The following SH3PXD2A variants were observed in gnomAD, a reference collection of about 807,000 sequenced individuals.
SH3PXD2A encodes SH3 and PX domain-containing protein 2A.
Under a neutral mutation model 115.2 loss-of-function variants are expected in SH3PXD2A, and 32 were observed. That is an observed-to-expected ratio of 0.28 (90% confidence interval 0.21 to 0.37). The LOEUF is 0.37. Among genes scored for constraint, SH3PXD2A ranks in the 10% least tolerant of loss-of-function variants. The pLI, the probability that SH3PXD2A is intolerant of heterozygous loss-of-function variation, is 1.00. For missense variants in SH3PXD2A, 1,328 were observed against 1,498.7 expected (o/e 0.89, Z 1.88); for synonymous variants, 610 against 629.1 (o/e 0.97, Z 0.45).
chr10:103,682,687 G>T (rs1329017486), intron 6 of SH3PXD2A, among the ~76,000 whole-genome samples: 1 of 151,782 alleles, frequency 6.6e-6, no homozygotes, highest in Non-Finnish European at 1.5e-5. Flanking sequence ...AACCTGGGAG[G>T]CAGAGGTTGC....
chr10:103,670,752 GC>G, intron 6 of SH3PXD2A, among the ~76,000 whole-genome samples: 1 of 152,252 alleles, frequency 6.6e-6, no homozygotes, highest in East Asian at 1.9e-4. Context: ...TCCTTGGGGA[GC>G]AGGAGCAATG....
chr10:103,654,343 T>A (rs2037177103), intron 8 of SH3PXD2A, among the ~76,000 whole-genome samples: 1 of 152,146 alleles, frequency 6.6e-6, no homozygotes, highest in Non-Finnish European at 1.5e-5. Flanking sequence ...ACCCCTCTGC[T>A]GCTATAGCCA....
intron 8 of SH3PXD2A, among the ~76,000 whole-genome samples, chr10:103,630,573 A>G (rs2036763379): frequency 6.6e-6 from 1 of 152,114 alleles, no homozygotes; most frequent in Non-Finnish European, 1.5e-5. Flanking sequence ...TGCAGGGGGC[A>G]TATGGGGTGA....
chr10:103,750,182 G>C (rs1445995172), intron 3 of SH3PXD2A, among the ~76,000 whole-genome samples: 1 of 152,164 alleles, frequency 6.6e-6, no homozygotes, highest in Non-Finnish European at 1.5e-5. Flanking sequence ...CTCCCAAGTA[G>C]CTGGGACCAC....
intron 6 of SH3PXD2A, among the ~76,000 whole-genome samples, chr10:103,677,431 T>C (rs2134097192): frequency 6.6e-6 from 1 of 152,202 alleles, no homozygotes; most frequent in East Asian, 1.9e-4. Flanking sequence ...GACCCATCTT[T>C]GGGGTAGGGC....
chr10:103,613,137 T>A lies in SH3PXD2A; in HGVS notation c.974A>T (p.Asp325Val). The part of the protein sequence containing the change: ...APASYLKKAK[D>V]DLPTRKKNLA... The stretch of plus-strand genomic sequence containing the variant: ...GTTCTTCTTCCGGGTTGGCAGGTCA[T>A]CCTTGGCCTTCTTCAGGTAGGATGC... Residue 325 changes from aspartate to valine, a missense_variant, in exon 12 of 15, where the codon GAT becomes GTT. Asp to Val is a radical substitution (Grantham distance 152). Coordinates refer to ENST00000369774, the MANE Select transcript of SH3PXD2A (RefSeq NM_001394015.1). 1.2e-6 allele frequency: 2 copies of A among 1,612,722 alleles called. No individual in the cohort carries two copies. Among genetic ancestry groups the A allele is most frequent in the Non-Finnish European group, 1.7e-6 (2 of 1,179,560 alleles).
chr10:103,853,661 T>C (rs867704754), intron 1 of SH3PXD2A, among the ~76,000 whole-genome samples: 3 of 152,182 alleles, frequency 2.0e-5, no homozygotes, highest in Non-Finnish European at 4.4e-5. Context: ...GCACCATCGG[T>C]GGGAGCTGAA....
chr10:103,765,882 C>A (rs1461574427), intron 3 of SH3PXD2A, among the ~76,000 whole-genome samples: 3 of 152,206 alleles, frequency 2.0e-5, no homozygotes, highest in African/African-American at 7.2e-5. Flanking sequence ...AATGAAGGAG[C>A]AATGCTATGA....
At chr10:103,636,747 G>C (rs144040787) in intron 8 of SH3PXD2A, among the ~76,000 whole-genome samples, 496 of 152,276 alleles carry the variant, frequency 3.3e-3, no homozygotes, top group Non-Finnish European at 5.5e-3. Context: ...AAAACAGCTG[G>C]TGGGGGGAGG....
chr10:103,603,721 T>G lies in SH3PXD2A; in HGVS notation c.1497A>C (p.Ala499=). The G allele has an allele frequency of 6.2e-7, 1 of 1,611,114 alleles. No individual in the cohort carries two copies. Among genetic ancestry groups the G allele is most frequent in the South Asian group, 1.1e-5 (1 of 91,058 alleles). ...QIGEKEGWAP[A]SYIDKRKKPN... ...GCTTCTTGCGCTTATCGATGTATGA[T>G]GCGGGGGCCCAGCCCTCCTTCTCAC... The change falls in exon 15 of 15, where the codon GCA becomes GCC. Residue 499 remains alanine (A), a synonymous_variant. Coordinates refer to ENST00000369774, the MANE Select transcript of SH3PXD2A (RefSeq NM_001394015.1).
chr10:103,778,084 C>A (rs1420683699), intron 2 of SH3PXD2A, among the ~76,000 whole-genome samples: 1 of 152,110 alleles, frequency 6.6e-6, no homozygotes, highest in Admixed American at 6.6e-5. Context: ...AATCCCAGCA[C>A]TTTGGAAAGC....
chr10:103,656,104 CT>C (rs2037208304), intron 8 of SH3PXD2A, among the ~76,000 whole-genome samples: 1 of 152,240 alleles, frequency 6.6e-6, no homozygotes, highest in African/African-American at 2.4e-5. Context: ...AAACCCCGTA[CT>C]GGAATTCTGG....
chr10:103,656,600 C>T (rs149250907), intron 8 of SH3PXD2A, among the ~76,000 whole-genome samples: 2 of 152,202 alleles, frequency 1.3e-5, no homozygotes, highest in East Asian at 1.9e-4. Flanking sequence ...GAGGCCGAGG[C>T]GGGTGGATCA....
chr10:103,613,238 C>G (rs1342045123), intron 11 of SH3PXD2A, 48 bp from the exon 12 acceptor site: 2 of 1,409,008 alleles, frequency 1.4e-6, no homozygotes, highest in Non-Finnish European at 1.9e-6. Context: ...TCTGACCTCA[C>G]AGCCCACTCC....
intron 7 of SH3PXD2A, among the ~76,000 whole-genome samples, chr10:103,667,012 G>A (rs545214357): frequency 2.0e-5 from 3 of 152,228 alleles, no homozygotes; most frequent in Admixed American, 2.0e-4. Flanking sequence ...CCTACTCTGG[G>A]GGGATGCCAG....
intron 13 of SH3PXD2A, 35 bp downstream of exon 13, chr10:103,611,546 G>A (rs1271586089): frequency 6.3e-7 from 1 of 1,597,096 alleles, no homozygotes. Flanking sequence ...TCACAGAAAA[G>A]GAAGGAAAGG....
intron 1 of SH3PXD2A, among the ~76,000 whole-genome samples, chr10:103,835,110 G>A (rs530288450): frequency 6.6e-6 from 1 of 152,334 alleles, no homozygotes; most frequent in South Asian, 2.1e-4. Flanking sequence ...GGCAGAAGCT[G>A]TCTGCTTTCA....
At chr10:103,775,570 T>A (rs1309873413) in intron 2 of SH3PXD2A, among the ~76,000 whole-genome samples, 1 of 152,200 alleles carries the variant, frequency 6.6e-6, no homozygotes, top group Non-Finnish European at 1.5e-5. Context: ...CAGGGACTTA[T>A]GCTCGGCAGT....
chr10:103,698,834 A>G (rs1270033391), intron 5 of SH3PXD2A, among the ~76,000 whole-genome samples: 2 of 151,968 alleles, frequency 1.3e-5, no homozygotes, highest in Non-Finnish European at 2.9e-5. Context: ...GGGGCTACAG[A>G]ACATCCCAGG....
Sources: allele counts gnomAD v4.1 joint callset (sites outside exome capture counted in the v4.1 genomes callset), GRCh38; gene constraint gnomAD v4.1.1; transcripts MANE v1.5; gene names NCBI Gene and HGNC (gene_info 2026-07-23, HGNC 2026-07-21).